Variants in EEFSEC observed in about 807,000 individuals in gnomAD.
EEFSEC encodes the protein eukaryotic elongation factor, selenocysteine-tRNA specific.
A neutral mutation model predicts 42.1 loss-of-function variants in EEFSEC; 43 were observed. That is an observed-to-expected ratio of 1.02 (90% CI 0.80 to 1.32). EEFSEC has a LOEUF of 1.32. EEFSEC is among the 40% of genes most tolerant of loss of function. EEFSEC has a pLI of 0.00. For synonymous variants in EEFSEC, 354 were observed against 339.1 expected (o/e 1.04, Z -0.48); for missense variants, 745 against 803.6 (o/e 0.93, Z 0.88).
chr3:128,177,205 T>C (rs1165319719), intron 1 of EEFSEC, among the ~76,000 whole-genome samples: 2 of 152,050 alleles, frequency 1.3e-5, no homozygotes, highest in Non-Finnish European at 2.9e-5. Context: ...GATTAAGTTT[T>C]GGAAAGCTTT....
At position 128,264,624 on chromosome 3, in the gene EEFSEC, C is replaced by A. The variant is rs762292921; in HGVS notation, c.629C>A (p.Thr210Lys). 6.2e-7 allele frequency: 1 copy of A among 1,613,766 alleles called. No individual in the cohort carries two copies. The highest frequency in any genetic ancestry group is 1.7e-5 in the Admixed American group (1 of 60,002). The change falls in exon 4 of 7, where the codon ACG (threonine) becomes AAG (lysine). Residue 210 changes from threonine to lysine, a missense_variant. Physicochemically the swap from Thr to Lys is moderately conservative, Grantham distance 78. Transcript: ENST00000254730. ...QGIPELIELL[T>K]SQISIPTRDP... ...CCAGTTTCTCTTTTCTAGCTCCTGA[C>A]GTCCCAGATTTCCATCCCAACGAGA...
At chr3:128,345,789 G>T (rs755048606) in intron 5 of EEFSEC, among the ~76,000 whole-genome samples, 1 of 152,208 alleles carries the variant, frequency 6.6e-6, no homozygotes, top group African/African-American at 2.4e-5. Context: ...AGCACTTTCC[G>T]CCAGGGGGGC....
chr3:128,280,773 C>T (rs751820257), intron 4 of EEFSEC, among the ~76,000 whole-genome samples: 1 of 152,234 alleles, frequency 6.6e-6, no homozygotes, highest in African/African-American at 2.4e-5. Context: ...ACCCTCACCC[C>T]CTTCTCCTTC....
chr3:128,154,382 G>T (rs1333257982), intron 1 of EEFSEC, among the ~76,000 whole-genome samples: 1 of 151,946 alleles, frequency 6.6e-6, no homozygotes, highest in Non-Finnish European at 1.5e-5. Flanking sequence ...TGTACACAAA[G>T]CTACATCATT....
chr3:128,367,627 C>T (rs1042665313), intron 6 of EEFSEC: 3 of 985,198 alleles, frequency 3.0e-6, no homozygotes, highest in Admixed American at 6.1e-5. Context: ...CATTGCTGCA[C>T]CCCTACTTAG....
intron 5 of EEFSEC, among the ~76,000 whole-genome samples, chr3:128,348,099 C>T (rs1272756824): frequency 6.6e-6 from 1 of 152,120 alleles, no homozygotes; most frequent in African/African-American, 2.4e-5. Flanking sequence ...GACAAAATCT[C>T]TGCCCACATG....
At chr3:128,341,158 G>A (rs565471965) in intron 4 of EEFSEC, 75 bp from the exon 5 acceptor site, 1 of 1,513,062 alleles carries the variant, frequency 6.6e-7, no homozygotes, top group Non-Finnish European at 8.8e-7. Context: ...GGATTCTCTA[G>A]CTGCAGCTCC....
downstream of EEFSEC, among the ~76,000 whole-genome samples, chr3:128,409,655 G>A (rs899017989): frequency 1.4e-4 from 21 of 152,188 alleles, no homozygotes; most frequent in African/African-American, 4.8e-4. Context: ...CGTGGCCTCC[G>A]CGGCTGCTGC....
chr3:128,338,464 C>G lies in EEFSEC; in HGVS notation c.787-2769C>G, dbSNP rs540451707. On this transcript the variant is annotated intron_variant, in intron 4 of 6. Coordinates refer to ENST00000254730, the MANE Select transcript of EEFSEC (RefSeq NM_021937.5). Reference sequence around the variant, plus strand: ...GACCTGTAAAGTAGTGGTAACCAAACAGTGAGTCAGGTTCCGATGGTCAGC... The same window carrying G: ...GACCTGTAAAGTAGTGGTAACCAAAGAGTGAGTCAGGTTCCGATGGTCAGC... 1.3e-4 allele frequency among the ~76,000 whole-genome samples: 20 copies of G among 152,210 alleles called. No individual in the cohort carries two copies. The South Asian group carries it at 4.2e-3, about 32-fold the overall frequency.
At chr3:128,246,721 C>A in intron 1 of EEFSEC, 115 bp from the exon 2 acceptor site, 2 of 1,093,190 alleles carry the variant, frequency 1.8e-6, no homozygotes, top group Non-Finnish European at 1.4e-6. Flanking sequence ...GTGTAGTCAC[C>A]ATTTATTCCA....
intron 6 of EEFSEC, among the ~76,000 whole-genome samples, chr3:128,360,151 T>C (rs921159692): frequency 5.9e-5 from 9 of 152,314 alleles, no homozygotes; most frequent in Admixed American, 5.9e-4. Context: ...AATTCTGTCC[T>C]GTCCTCCCCA....
chr3:128,382,606 T>C (rs1487207519), intron 6 of EEFSEC, among the ~76,000 whole-genome samples: 1 of 152,228 alleles, frequency 6.6e-6, no homozygotes, highest in Non-Finnish European at 1.5e-5. Context: ...TTCGATTTTA[T>C]GGGCTTGTTT....
intron 5 of EEFSEC, among the ~76,000 whole-genome samples, chr3:128,346,030 G>A (rs77739142): frequency 0.011 from 1,686 of 152,330 alleles, 9 homozygotes; most frequent in Non-Finnish European, 0.017. Flanking sequence ...TGATGCTGAG[G>A]ACAGTTATTG....
chr3:128,358,489 G>T, intron 6 of EEFSEC, 116 bp downstream of exon 6: 1 of 1,440,184 alleles, frequency 6.9e-7, no homozygotes, highest in Admixed American at 2.1e-5. Flanking sequence ...CCTTTGCCGA[G>T]ACACGGGGTG....
At chr3:128,283,080 T>G (rs528477353) in intron 4 of EEFSEC, among the ~76,000 whole-genome samples, 1 of 152,378 alleles carries the variant, frequency 6.6e-6, no homozygotes, top group South Asian at 2.1e-4. Flanking sequence ...CAGGACCTGC[T>G]GTGTATAAGC....
intron 2 of EEFSEC, among the ~76,000 whole-genome samples, chr3:128,251,637 C>G (rs2066188109): frequency 2.0e-5 from 3 of 151,924 alleles, no homozygotes; most frequent in Non-Finnish European, 4.4e-5. Flanking sequence ...CTGTTTGCCT[C>G]TTGCAATTTT....
At chr3:128,214,938 T>C (rs924300847) in intron 1 of EEFSEC, among the ~76,000 whole-genome samples, 18 of 152,210 alleles carry the variant, frequency 1.2e-4, no homozygotes, top group African/African-American at 4.1e-4. Flanking sequence ...AGCAAAATCA[T>C]GTAACATCAG....
intron 5 of EEFSEC, among the ~76,000 whole-genome samples, chr3:128,355,408 C>T (rs1202555525): frequency 1.3e-5 from 2 of 151,870 alleles, no homozygotes; most frequent in Non-Finnish European, 2.9e-5. Flanking sequence ...CTGGGACTAG[C>T]ATTACAGGAG....
intron 2 of EEFSEC, among the ~76,000 whole-genome samples, chr3:128,248,940 C>T (rs1190068735): frequency 1.3e-5 from 2 of 152,204 alleles, no homozygotes; most frequent in Non-Finnish European, 1.5e-5. Flanking sequence ...CCCCTCCTGC[C>T]CTCATCCAGC....
Sources: gnomAD v4.1 joint callset for allele counts (sites outside exome capture counted in the v4.1 genomes callset) on GRCh38, gnomAD v4.1.1 for gene constraint, MANE v1.5 for transcripts, NCBI Gene and HGNC (gene_info 2026-07-23, HGNC 2026-07-21) for gene names.